Variants in RIF1 observed in about 807,000 individuals in gnomAD.
RIF1 encodes the protein telomere-associated protein RIF1.
Under a neutral mutation model 247.1 loss-of-function variants are expected in RIF1, and 45 were observed. The ratio of observed to expected loss-of-function variants is 0.18; its 90% CI spans 0.14 to 0.23. The LOEUF (loss-of-function observed/expected upper bound fraction) is 0.23. Ranked by LOEUF, RIF1 falls within the 10% of genes least tolerant of loss-of-function variation. The pLI, the probability that RIF1 is intolerant of heterozygous loss-of-function variation, is 1.00. For synonymous variants in RIF1, 1,087 were observed against 978.8 expected (o/e 1.11, Z -2.06); for missense variants, 2,967 against 2,862.5 (o/e 1.04, Z -0.83).
At chr2:151,466,516 G>A (rs951483882) in intron 30 of RIF1, among the ~76,000 whole-genome samples, 1 of 151,910 alleles carries the variant, frequency 6.6e-6, no homozygotes, top group East Asian at 1.9e-4. Context: ...GCTGTTTTAC[G>A]TTTTACATAC....
chr2:151,444,890 C>T (rs939156894), intron 18 of RIF1, among the ~76,000 whole-genome samples: 11 of 152,094 alleles, frequency 7.2e-5, no homozygotes, highest in Non-Finnish European at 1.2e-4. Context: ...ATTCTCTCAC[C>T]GTTCTGGAGA....
At chr2:151,531,729 GC>G in the RIF1 span, 2 of 1,234,384 alleles carry the variant, frequency 1.6e-6, no homozygotes, top group Non-Finnish European at 2.4e-6. Flanking sequence ...AATTTAAAAT[GC>G]CCCTCCATGT....
intron 2 of RIF1, 64 bp downstream of exon 2, chr2:151,410,591 T>C (rs1347195424): frequency 7.7e-7 from 1 of 1,299,126 alleles, no homozygotes; most frequent in Non-Finnish European, 1.1e-6. Context: ...AAGAAGGTGG[T>C]TGGGAGGGGC....
At chr2:151,503,043 T>C in exon 12 of RIF1, 1 of 598,996 alleles carries the variant, frequency 1.7e-6, no homozygotes, top group Non-Finnish European at 2.9e-6. Flanking sequence ...GTTTTAATGA[T>C]GAACTCTACA....
chr2:151,491,644 G>T, intron 9 of RIF1: 1 of 1,437,372 alleles, frequency 7.0e-7, no homozygotes, highest in South Asian at 1.2e-5. Context: ...CATACTAAAT[G>T]GTGATGTTTA....
chr2:151,416,985 G>C, intron 6 of RIF1, 84 bp downstream of exon 6: 87 of 966,236 alleles, frequency 9.0e-5, no homozygotes, highest in Non-Finnish European at 8.8e-5. Context: ...TTAAATGAGA[G>C]ACAGACATTA....
chr2:151,469,474 A>G (rs1390229870), intron 33 of RIF1, among the ~76,000 whole-genome samples: 1 of 152,152 alleles, frequency 6.6e-6, no homozygotes, highest in Non-Finnish European at 1.5e-5. Flanking sequence ...AATGAGATGT[A>G]TGTAGAAGCA....
chr2:151,414,700 C>A (rs956078856), intron 3 of RIF1, 123 bp from the exon 4 acceptor site: 1 of 609,552 alleles, frequency 1.6e-6, no homozygotes, highest in Non-Finnish European at 2.9e-6. Flanking sequence ...ATTTTTTATG[C>A]GTATTCTCAA....
Position 151,479,501 on chromosome 2 carries a change from T to C in RIF1, c.*4430T>C, listed in dbSNP as rs185254195. ...TTCTATTATGGATCATCGTTATTAA[T>C]AAACATGGAAAATCAACACTACCCC... On this transcript the variant is annotated 3_prime_UTR_variant, in exon 36 of 36. Coordinates refer to ENST00000444746, the MANE Select transcript of RIF1 (RefSeq NM_018151.5). 6.6e-6 allele frequency: 1 copy of C among 152,204 alleles called. No homozygotes were observed. The highest frequency in any genetic ancestry group is 6.5e-5 in the Admixed American group (1 of 15,280). The allele number at this position is 152,204 out of a possible 1,614,324, so 9.4% of individuals were successfully genotyped here. A position where few individuals can be genotyped will look rare whatever the true frequency, so the allele number is the denominator to read the frequency against.
Position 151,465,506 on chromosome 2 carries a change from G to A in RIF1, c.5986G>A (p.Ala1996Thr), listed in dbSNP as rs143611478. 49 of 1,613,830 alleles carry A rather than the reference G, an allele frequency of 3.0e-5. No homozygotes were observed. In the African/African-American group the frequency reaches 5.9e-4, roughly 19 times the overall value. ...AACTGAGATTTCTGAACAAACAGCA[G>A]CTGGGGAACTAGATGGAGGAAATGA... The part of the protein sequence containing the change: ...AQTEISEQTA[A>T]GELDGGNDVS... The change falls in exon 30 of 36, where the codon GCT becomes ACT. Residue 1996 changes from alanine (A) to threonine (T), a missense_variant. Coordinates refer to ENST00000444746, the MANE Select transcript of RIF1 (RefSeq NM_018151.5).
intron 12 of RIF1, chr2:151,505,490 C>A: frequency 1.2e-6 from 2 of 1,613,524 alleles, no homozygotes; most frequent in South Asian, 2.2e-5. Context: ...AGCTAATGTG[C>A]TTCTGCGTCT....
the RIF1 span, among the ~76,000 whole-genome samples, chr2:151,526,627 G>A: frequency 6.6e-6 from 1 of 152,124 alleles, no homozygotes; most frequent in East Asian, 1.9e-4. Context: ...ACAAATCATG[G>A]CGTTTCCATA....
rs1010870754 is a variant in RIF1 at position 151,465,654 on chromosome 2, C to T, written c.6134C>T (p.Thr2045Ile). ...GGTGAAACAGAGAATGAGGGCATAACTACCAAAACCTCAAAGCCTGATGAA... is the reference window on the plus strand; with the variant it reads ...GGTGAAACAGAGAATGAGGGCATAATTACCAAAACCTCAAAGCCTGATGAA... The part of the protein sequence containing the change: ...HDGETENEGI[T>I]TKTSKPDEAE... The change falls in exon 30 of 36, where the codon ACT becomes ATT. Residue 2045 changes from threonine (T) to isoleucine (I), a missense_variant. Physicochemically the swap from Thr to Ile is moderately conservative, Grantham distance 89. Transcript: ENST00000444746. 1 of 1,614,108 alleles carries T rather than the reference C, an allele frequency of 6.2e-7. No individual in the cohort carries two copies. Among genetic ancestry groups the T allele is most frequent in the Non-Finnish European group, 8.5e-7 (1 of 1,180,020 alleles).
At chr2:151,492,058 A>C (rs770188547) in intron 9 of RIF1, 1 of 1,589,640 alleles carries the variant, frequency 6.3e-7, no homozygotes, top group South Asian at 1.1e-5. Flanking sequence ...CTACCCCCTC[A>C]CTTAAAGTTA....
chr2:151,462,545 G>C (rs1696349216), intron 29 of RIF1, 79 bp downstream of exon 29: 2 of 890,666 alleles, frequency 2.2e-6, no homozygotes, highest in Admixed American at 5.0e-5. Flanking sequence ...TGAAATGTCT[G>C]TAGGTCTTCC....
At chr2:151,440,525 C>T (rs1485706283) in intron 15 of RIF1, among the ~76,000 whole-genome samples, 6 of 151,760 alleles carry the variant, frequency 4.0e-5, no homozygotes, top group African/African-American at 7.3e-5. Flanking sequence ...TATTAAAACC[C>T]CTTTTTTTTT....
chr2:151,432,950 G>A (rs1054911256), intron 9 of RIF1, 127 bp from the exon 10 acceptor site: 17 of 667,072 alleles, frequency 2.5e-5, no homozygotes, highest in African/African-American at 2.2e-4. Context: ...ACAGCCTGGG[G>A]ATTTATTTTT....
downstream of RIF1, among the ~76,000 whole-genome samples, chr2:151,508,348 T>C (rs1438800927): frequency 6.6e-6 from 1 of 152,168 alleles, no homozygotes. Context: ...CCTATTGTCA[T>C]GGCAAAGCTG....
rs894510317 is a variant in RIF1, at chr2:151,491,034, A to G, written c.*416-4195A>G. 4.3e-5 allele frequency among the ~76,000 whole-genome samples: 5 copies of G among 114,968 alleles called. No homozygotes were observed. The Admixed American group carries it at 5.6e-4, about 13-fold the overall frequency. 75.4% of individuals were successfully genotyped at this position (114,968 alleles called of 152,430 possible). A position where few individuals can be genotyped will look rare whatever the true frequency, so the allele number is the denominator to read the frequency against. Reference sequence around the variant, plus strand: ...CCTTTGAGGACTGTCTCTACATAATATCCTTTTTTTTTTTTTTTGAGATGG... The same window carrying G: ...CCTTTGAGGACTGTCTCTACATAATGTCCTTTTTTTTTTTTTTTGAGATGG... On this transcript the variant is annotated intron_variant and NMD_transcript_variant, in intron 9 of 13. Transcript: ENST00000454583.
Sources: gnomAD v4.1 joint callset for allele counts (sites outside exome capture counted in the v4.1 genomes callset) on GRCh38, gnomAD v4.1.1 for gene constraint, MANE v1.5 for transcripts, NCBI Gene and HGNC (gene_info 2026-07-23, HGNC 2026-07-21) for gene names.